Variants in SYNPO observed in about 807,000 individuals in gnomAD.
The protein encoded by SYNPO is synaptopodin.
Under a neutral mutation model 49.5 loss-of-function variants are expected in SYNPO, and 19 were observed. The observed-to-expected ratio is 0.38, with a 90% confidence interval of 0.27 to 0.56. The LOEUF (loss-of-function observed/expected upper bound fraction) is 0.56, where lower values mean the gene tolerates loss of function less well. SYNPO is among the 20% of genes least tolerant of loss of function. The pLI is 0.68. For missense variants in SYNPO, 1,131 were observed against 1,248.3 expected (o/e 0.91, Z 1.42); for synonymous variants, 536 against 548.0 (o/e 0.98, Z 0.31).
chr5:150,597,845 T>C (rs11167510), upstream of SYNPO, among the ~76,000 whole-genome samples: 61,143 of 151,874 alleles, frequency 0.4, 12,560 homozygotes, highest in Middle Eastern at 0.5. Context: ...ACCATCTTGC[T>C]CAGGTTGGTC....
chr5:150,642,275 T>G (rs893588818), intron 1 of SYNPO, among the ~76,000 whole-genome samples: 1 of 152,238 alleles, frequency 6.6e-6, no homozygotes, highest in Non-Finnish European at 1.5e-5. Flanking sequence ...CCAGGTCTCC[T>G]GACCCCAGGC....
chr5:150,589,833 C>T, the SYNPO span, among the ~76,000 whole-genome samples: 3 of 152,188 alleles, frequency 2.0e-5, no homozygotes, highest in African/African-American at 7.2e-5. Context: ...CTTTCAAAGC[C>T]CCCAGCTCTG....
At chr5:150,609,845 C>G (rs192642877) in intron 1 of SYNPO, among the ~76,000 whole-genome samples, 4,060 of 152,124 alleles carry the variant, frequency 0.027, 322 homozygotes, top group Admixed American at 0.17. Context: ...GCCCTCTCCC[C>G]ATCTGCTGAC....
chr5:150,618,548 G>C, exon 2 of SYNPO: 1 of 1,550,614 alleles, frequency 6.4e-7, no homozygotes, highest in East Asian at 2.4e-5. Context: ...GGATGAGGGG[G>C]TCAGCAGGAG....
chr5:150,628,913 T>C (rs1319200512), intron 2 of SYNPO, among the ~76,000 whole-genome samples: 1 of 152,054 alleles, frequency 6.6e-6, no homozygotes, highest in Non-Finnish European at 1.5e-5. Flanking sequence ...AGCAAAAAAA[T>C]AGAAATAGCA....
At chr5:150,624,932 A>G in intron 2 of SYNPO, 1 of 985,430 alleles carries the variant, frequency 1.0e-6, no homozygotes, top group Non-Finnish European at 1.2e-6. Context: ...CTGGCCTGGC[A>G]GGGGTGCGGG....
At position 150,650,373 on chromosome 5, in the gene SYNPO, CCTT is replaced by C. The variant is rs1758330136; in HGVS notation, c.2028+71_2028+73del. The C allele has an allele frequency of 3.1e-6, 5 of 1,594,460 alleles. No homozygotes were observed. The African/African-American group carries it at 4.0e-5, about 13-fold the overall frequency. On this transcript the variant is annotated intron_variant, in intron 2 of 2. Transcript: ENST00000307662. ...GTCCCACTGCCGGTCAAGTTCCCCTCCTTGAGGGCCAGATGGAGAGCAGATGTG... is the reference window on the plus strand; with the variant it reads ...GTCCCACTGCCGGTCAAGTTCCCCTCGAGGGCCAGATGGAGAGCAGATGTG...
chr5:150,619,839 C>T (rs1389653070), intron 2 of SYNPO, among the ~76,000 whole-genome samples: 1 of 152,228 alleles, frequency 6.6e-6, no homozygotes, highest in African/African-American at 2.4e-5. Flanking sequence ...TGATCACCCC[C>T]CATGGCCACC....
At chr5:150,586,852 G>A in the SYNPO span, among the ~76,000 whole-genome samples, 4 of 152,132 alleles carry the variant, frequency 2.6e-5, no homozygotes, top group Non-Finnish European at 5.9e-5. Context: ...GGATGGATAT[G>A]TGGATGCATG....
chr5:150,643,610 C>A (rs1393793929), intron 1 of SYNPO, among the ~76,000 whole-genome samples: 2 of 152,186 alleles, frequency 1.3e-5, no homozygotes, highest in Admixed American at 1.3e-4. Context: ...TCTCGGCTCA[C>A]CGCAACCTCT....
Position 150,648,047 on chromosome 5 carries a change from C to A in SYNPO, c.-229C>A. 1.3e-6 allele frequency: 2 copies of A among 1,551,858 alleles called. No individual in the cohort carries two copies. Among genetic ancestry groups the A allele is most frequent in the Non-Finnish European group, 1.7e-6 (2 of 1,147,010 alleles). The stretch of plus-strand genomic sequence containing the variant: ...TGACCACCCCTCCCAGCTCCAATTC[C>A]CGTGGCGTCCAGCTCTTCAACAGGC... On this transcript the variant is annotated 5_prime_UTR_variant, in exon 2 of 3. Transcript: ENST00000307662. This position sits in a 1 kb window ranked among gnomAD's most constrained non-coding sequence, Gnocchi z 5.0.
intron 2 of SYNPO, among the ~76,000 whole-genome samples, chr5:150,635,563 G>C (rs1287145790): frequency 6.6e-6 from 1 of 152,162 alleles, no homozygotes; most frequent in Non-Finnish European, 1.5e-5. Context: ...CCACCTCCTG[G>C]GTTGAAGTGA....
chr5:150,602,386 CG>C (rs2151332808), intron 1 of SYNPO, among the ~76,000 whole-genome samples: 1 of 152,274 alleles, frequency 6.6e-6, no homozygotes, highest in South Asian at 2.1e-4. Context: ...GCCCATGAGA[CG>C]GTGCCATGTA....
chr5:150,623,736 G>A (rs1012356339), intron 2 of SYNPO, among the ~76,000 whole-genome samples: 1 of 152,222 alleles, frequency 6.6e-6, no homozygotes. Flanking sequence ...TGTGGGGTGG[G>A]CTTACGCTAG....
intron 2 of SYNPO, among the ~76,000 whole-genome samples, chr5:150,634,880 AAG>A (rs1757663243): frequency 6.7e-6 from 1 of 149,524 alleles, no homozygotes; most frequent in African/African-American, 2.5e-5. Flanking sequence ...CACACACACA[AAG>A]GGGACACTCT....
rs551841780 is a variant in SYNPO at position 150,645,793 on chromosome 5, C to G, written c.-332-2151C>G. Among the ~76,000 whole-genome samples the G allele has an allele frequency of 8.6e-4, 131 of 152,354 alleles. 1 individual carries two copies. Among genetic ancestry groups the G allele is most frequent in the African/African-American group, 3.1e-3 (127 of 41,590 alleles). On this transcript the variant is annotated intron_variant, in intron 1 of 2. Transcript: ENST00000307662. ...CCTCCGTTTCTTCTTCTGTAAAACA[C>G]AGGCAAGCAATGCTTGTCTCATTGT...
chr5:150,623,394 C>G (rs1757242329), intron 2 of SYNPO, among the ~76,000 whole-genome samples: 3 of 152,098 alleles, frequency 2.0e-5, no homozygotes, highest in Admixed American at 1.3e-4. Context: ...TCTCTCTTTT[C>G]CTCTCACCCA....
intron 1 of SYNPO, among the ~76,000 whole-genome samples, chr5:150,602,884 G>C (rs892558283): frequency 6.6e-6 from 1 of 152,072 alleles, no homozygotes; most frequent in African/African-American, 2.4e-5. Flanking sequence ...GGTTTTGACT[G>C]TCTAGGGCCT....
intron 1 of SYNPO, among the ~76,000 whole-genome samples, chr5:150,607,067 ACTTGAGT>A (rs1274607071): frequency 6.6e-6 from 1 of 152,022 alleles, no homozygotes; most frequent in Non-Finnish European, 1.5e-5. Flanking sequence ...CTTTTGATAG[ACTTGAGT>A]CTGGGCTCCA....
Sources: allele counts gnomAD v4.1 joint callset (sites outside exome capture counted in the v4.1 genomes callset), GRCh38; gene constraint gnomAD v4.1.1; non-coding constraint Gnocchi (gnomAD v3.1); transcripts MANE v1.5; gene names NCBI Gene and HGNC (gene_info 2026-07-23, HGNC 2026-07-21).